Variants in GSN observed in about 807,000 individuals in gnomAD.
The protein encoded by GSN is gelsolin.
Under a neutral mutation model 85.7 loss-of-function variants are expected in GSN, and 56 were observed. The ratio of observed to expected loss-of-function variants is 0.65; its 90% CI spans 0.53 to 0.82. The LOEUF is 0.82. Among genes scored for constraint, GSN ranks in the 40% least tolerant of loss-of-function variants. The pLI is 0.00. For synonymous variants in GSN, 373 were observed against 399.1 expected, an observed-to-expected ratio of 0.93 and a Z score of 0.78; for missense variants, 857 against 979.8, an observed-to-expected ratio of 0.87 and a Z score of 1.67.
At chr9:121,269,729 G>A (rs576528051) in intron 1 of GSN, among the ~76,000 whole-genome samples, 1 of 152,274 alleles carries the variant, frequency 6.6e-6, no homozygotes, top group South Asian at 2.1e-4. Context: ...CAGCAAAGAA[G>A]GTTTCTGTGT....
In GSN at chr9:121,316,936, G is replaced by C. The variant is rs529803300; in HGVS notation, c.754-150G>C. The C allele has an allele frequency of 9.6e-6, 9 of 938,036 alleles. No individual in the cohort carries two copies. In the Admixed American group the frequency reaches 1.9e-4, roughly 19 times the overall value. 58.1% of individuals were successfully genotyped at this position (938,036 alleles called of 1,614,324 possible). ...ATGTGGTTCTGACAAAGCAGAAAAC[G>C]AAAAAGAACCTCTAAATGTGTGCGA... On this transcript the variant is annotated intron_variant, in intron 7 of 17. Transcript: ENST00000432226.
chr9:121,286,186 G>A (rs114410565), intron 2 of GSN: 25 of 1,527,688 alleles, frequency 1.6e-5, no homozygotes, highest in Admixed American at 2.0e-5. Context: ...TGACCCATGG[G>A]TGAGTAGCAC....
At chr9:121,217,358 T>C (rs912480885) in intron 4 of GSN, among the ~76,000 whole-genome samples, 56 of 141,390 alleles carry the variant, frequency 4.0e-4, no homozygotes, top group African/African-American at 1.3e-3. Context: ...AGGGCAAAAC[T>C]CCGTCTCAAA....
At chr9:121,316,555 C>G (rs1026707037) in intron 7 of GSN, among the ~76,000 whole-genome samples, 1 of 152,130 alleles carries the variant, frequency 6.6e-6, no homozygotes, top group East Asian at 1.9e-4. Flanking sequence ...ACTATAGCCC[C>G]GACATCCTGG....
chr9:121,300,753 A>G (rs1489721486), intron 2 of GSN, among the ~76,000 whole-genome samples: 4 of 152,142 alleles, frequency 2.6e-5, no homozygotes, highest in African/African-American at 9.7e-5. Flanking sequence ...CTCTTCCAAG[A>G]AATGAAATTT....
chr9:121,321,178 C>G lies in GSN; in HGVS notation c.1192-90C>G. The G allele has an allele frequency of 2.1e-6, 3 of 1,422,994 alleles. No homozygotes were observed. In the African/African-American group the frequency reaches 4.2e-5, roughly 20 times the overall value. 88.1% of individuals were successfully genotyped at this position (1,422,994 alleles called of 1,614,324 possible). A position where few individuals can be genotyped will look rare whatever the true frequency, so the allele number is the denominator to read the frequency against. ...ATTAAAAGTTCATCCCATGGCCTAA[C>G]CACAACCTACCACACTGCGGTTTCC... On this transcript the variant is annotated intron_variant, in intron 10 of 17. Transcript: ENST00000432226.
chr9:121,267,260 C>T (rs142224123), upstream of GSN, among the ~76,000 whole-genome samples: 25 of 152,336 alleles, frequency 1.6e-4, no homozygotes, highest in East Asian at 4.6e-3. Flanking sequence ...GTCTCAAATG[C>T]ATATGAGATG....
intron 1 of GSN, among the ~76,000 whole-genome samples, chr9:121,276,500 G>A (rs760176437): frequency 1.3e-5 from 2 of 152,204 alleles, no homozygotes; most frequent in African/African-American, 2.4e-5. Context: ...ATCCCCCAGA[G>A]ACTTTGGTGT....
chr9:121,220,467 C>T (rs1464983196), intron 4 of GSN, among the ~76,000 whole-genome samples: 1 of 152,236 alleles, frequency 6.6e-6, no homozygotes, highest in African/African-American at 2.4e-5. Context: ...GTTCTGTTAA[C>T]ACATCCATTT....
chr9:121,209,562 T>G (rs2053937915), intron 2 of GSN, among the ~76,000 whole-genome samples: 1 of 152,220 alleles, frequency 6.6e-6, no homozygotes, highest in South Asian at 2.1e-4. Flanking sequence ...GCCTTGCTTC[T>G]TAGTAGCTGT....
chr9:121,315,860 C>A (rs187439430), intron 7 of GSN, among the ~76,000 whole-genome samples: 19 of 152,314 alleles, frequency 1.2e-4, no homozygotes, highest in Admixed American at 1.2e-3. Flanking sequence ...CTATTTCTAG[C>A]TGTGCAAGTT....
upstream of GSN, among the ~76,000 whole-genome samples, chr9:121,202,993 G>A (rs1394965884): frequency 6.6e-6 from 1 of 152,190 alleles, no homozygotes; most frequent in African/African-American, 2.4e-5. Context: ...CGGGCGTGGT[G>A]GCGGGCGCCT....
upstream of GSN, among the ~76,000 whole-genome samples, chr9:121,266,399 A>G (rs1421007174): frequency 6.6e-6 from 1 of 152,240 alleles, no homozygotes; most frequent in Non-Finnish European, 1.5e-5. Context: ...AAGATTCCAG[A>G]GCCAAATAAG....
chr9:121,253,174 C>T (rs2054876126), intron 6 of GSN, among the ~76,000 whole-genome samples: 1 of 152,166 alleles, frequency 6.6e-6, no homozygotes, highest in Non-Finnish European at 1.5e-5. Flanking sequence ...TCCCAAAGGC[C>T]CCACTTCCAA....
chr9:121,294,262 G>C (rs1554799055), intron 2 of GSN, among the ~76,000 whole-genome samples: 1 of 152,182 alleles, frequency 6.6e-6, no homozygotes, highest in African/African-American at 2.4e-5. Flanking sequence ...TCTTGTTGTG[G>C]ATTTGCGTTT....
In GSN at chr9:121,329,200, G is replaced by T. The variant is rs1218029037; in HGVS notation, c.1888-38G>T. The T allele has an allele frequency of 6.5e-7, 1 of 1,527,210 alleles. No individual in the cohort carries two copies. The allele number at this position is 1,527,210 out of a possible 1,614,324, so 94.6% of individuals were successfully genotyped here. ...GATAAAGGAAGGCCACCCAGGGGAG[G>T]GAAGACATCTCACTGATGCTCTTTC... is the stretch of plus-strand genomic sequence containing the variant. On this transcript the variant is annotated intron_variant, in intron 15 of 17. Coordinates refer to ENST00000432226, the MANE Select transcript of GSN (RefSeq NM_198252.3). This position sits in a 1 kb window ranked among gnomAD's most constrained non-coding sequence, Gnocchi z 4.6.
At chr9:121,234,682 C>T (rs1579095) in intron 5 of GSN, among the ~76,000 whole-genome samples, 33,771 of 151,992 alleles carry the variant, frequency 0.22, 4,271 homozygotes, top group African/African-American at 0.35. Context: ...AAAGCAAATC[C>T]AGATAAAAAA....
intron 4 of GSN, among the ~76,000 whole-genome samples, chr9:121,222,756 C>T (rs1437672824): frequency 6.6e-6 from 1 of 152,134 alleles, no homozygotes; most frequent in Non-Finnish European, 1.5e-5. Flanking sequence ...GAGTAAGAGA[C>T]TGAGGCAAAT....
At chr9:121,209,441 A>C (rs1194179751) in intron 2 of GSN, 4 of 133,912 alleles carry the variant, frequency 3.0e-5, no homozygotes, top group East Asian at 4.6e-4. Context: ...GGGGGTGGGG[A>C]GGGGGGAAGA....
Sources: gnomAD v4.1 joint callset for allele counts (sites outside exome capture counted in the v4.1 genomes callset) on GRCh38, gnomAD v4.1.1 for gene constraint, Gnocchi (gnomAD v3.1) non-coding constraint, MANE v1.5 for transcripts, NCBI Gene and HGNC (gene_info 2026-07-23, HGNC 2026-07-21) for gene names.